Variants in HIBADH observed in about 807,000 individuals in gnomAD.
HIBADH encodes the protein 3-hydroxyisobutyrate dehydrogenase, also known as 3-hydroxyisobutyrate dehydrogenase, mitochondrial.
HIBADH carries 25 observed loss-of-function variants against 36.1 expected under a neutral mutation model. The observed-to-expected ratio is 0.69, with a 90% CI of 0.50 to 0.97. The LOEUF (loss-of-function observed/expected upper bound fraction) is 0.97. Among genes scored for constraint, HIBADH ranks in the 50% least tolerant of loss-of-function variants. The pLI is 0.00. For missense variants in HIBADH, 421 were observed against 418.0 expected (o/e 1.01, Z -0.06); for synonymous variants, 160 against 149.5 (o/e 1.07, Z -0.51).
At chr7:27,538,691 G>A (rs1784103391) in intron 5 of HIBADH, among the ~76,000 whole-genome samples, 1 of 152,094 alleles carries the variant, frequency 6.6e-6, no homozygotes, top group African/African-American at 2.4e-5. Flanking sequence ...CAGCACTATA[G>A]GGCACAACTG....
chr7:27,654,780 C>T (rs1427879325), intron 1 of HIBADH, among the ~76,000 whole-genome samples: 1 of 151,924 alleles, frequency 6.6e-6, no homozygotes, highest in Non-Finnish European at 1.5e-5. Context: ...CCTCAACTTC[C>T]CAAGCTCAGA....
chr7:27,600,435 A>T (rs1205784846), intron 4 of HIBADH, among the ~76,000 whole-genome samples: 2 of 152,204 alleles, frequency 1.3e-5, no homozygotes, highest in African/African-American at 4.8e-5. Context: ...ACAGGAAAAG[A>T]GTAAAATCAC....
chr7:27,649,528 A>G lies in HIBADH; in HGVS notation c.197T>C (p.Ile66Thr), dbSNP rs200152065. 14 of 1,613,970 alleles carry G rather than the reference A, an allele frequency of 8.7e-6. No homozygotes were observed. The highest frequency in any genetic ancestry group is 1.7e-4 in the Middle Eastern group (1 of 6,058). ...GGCATCAGGGAACACATCATAAATA[A>G]TAAGTGGATAGCCATGTTTCATGAG... ...KNLMKHGYPL[I>T]IYDVFPDACK... is the part of the protein sequence containing the mutation. The change falls in exon 2 of 8, where the codon ATT (isoleucine) becomes ACT (threonine). Residue 66 changes from isoleucine to threonine, a missense_variant. Physicochemically the swap from Ile to Thr is moderately conservative, Grantham distance 89. Coordinates refer to ENST00000265395, the MANE Select transcript of HIBADH (RefSeq NM_152740.4).
intron 4 of HIBADH, among the ~76,000 whole-genome samples, chr7:27,561,923 G>A (rs61345731): frequency 6.6e-6 from 1 of 151,988 alleles, no homozygotes. Context: ...TTAGATATTA[G>A]TAAATCCATA....
At chr7:27,529,163 G>A (rs1783956318) in intron 7 of HIBADH, among the ~76,000 whole-genome samples, 1 of 152,176 alleles carries the variant, frequency 6.6e-6, no homozygotes, top group Admixed American at 6.5e-5. Context: ...AGTACACGTG[G>A]TCACCCAAGA....
chr7:27,593,829 A>C (rs1273666058), intron 4 of HIBADH, among the ~76,000 whole-genome samples: 4 of 152,022 alleles, frequency 2.6e-5, no homozygotes, highest in Non-Finnish European at 5.9e-5. Flanking sequence ...GTAGAGTTCA[A>C]ATTAATATAT....
intron 4 of HIBADH, among the ~76,000 whole-genome samples, chr7:27,628,700 G>A (rs1404032428): frequency 6.6e-6 from 1 of 152,158 alleles, no homozygotes; most frequent in East Asian, 1.9e-4. Flanking sequence ...GCATACATGG[G>A]CTAAAGGAAA....
chr7:27,529,669 T>G (rs1783962958), intron 7 of HIBADH, among the ~76,000 whole-genome samples: 1 of 152,158 alleles, frequency 6.6e-6, no homozygotes, highest in South Asian at 2.1e-4. Flanking sequence ...CCTGGTGAAA[T>G]GACAGAAAGG....
At chr7:27,642,809 G>A (rs912709640) in intron 2 of HIBADH, among the ~76,000 whole-genome samples, 5 of 151,802 alleles carry the variant, frequency 3.3e-5, no homozygotes, top group South Asian at 2.1e-4. Context: ...CCGCCATTAC[G>A]CCCGGCTAAT....
chr7:27,594,670 A>G (rs1351789425), intron 4 of HIBADH, among the ~76,000 whole-genome samples: 2 of 152,206 alleles, frequency 1.3e-5, no homozygotes, highest in African/African-American at 4.8e-5. Flanking sequence ...AGTCTAAAAA[A>G]TTCTGAGCGA....
intron 4 of HIBADH, among the ~76,000 whole-genome samples, chr7:27,578,464 ACCAC>A (rs1784746377): frequency 6.6e-6 from 1 of 152,044 alleles, no homozygotes; most frequent in African/African-American, 2.4e-5. Context: ...ACAGGCGCCC[ACCAC>A]CACACCTGGC....
intron 4 of HIBADH, among the ~76,000 whole-genome samples, chr7:27,595,513 G>A (rs554455967): frequency 1.4e-5 from 2 of 145,554 alleles, no homozygotes; most frequent in Non-Finnish European, 3.0e-5. Context: ...CTCCAGCCTA[G>A]GCGAAAGAGA....
At chr7:27,640,299 G>A (rs1785937648) in intron 2 of HIBADH, among the ~76,000 whole-genome samples, 1 of 152,256 alleles carries the variant, frequency 6.6e-6, no homozygotes, top group Non-Finnish European at 1.5e-5. Flanking sequence ...GGGAGGCCAA[G>A]GTGGGCTGAT....
chr7:27,575,644 G>A (rs1383901712), intron 4 of HIBADH, among the ~76,000 whole-genome samples: 1 of 152,170 alleles, frequency 6.6e-6, no homozygotes, highest in Non-Finnish European at 1.5e-5. Context: ...AGAAGTAGAG[G>A]AAGTCCGAGC....
chr7:27,628,993 C>T (rs1785697457), intron 4 of HIBADH, among the ~76,000 whole-genome samples: 1 of 151,906 alleles, frequency 6.6e-6, no homozygotes, highest in Non-Finnish European at 1.5e-5. Flanking sequence ...CCAATGCTTC[C>T]CTTGTGAAAC....
intron 4 of HIBADH, among the ~76,000 whole-genome samples, chr7:27,623,110 AAATC>A (rs1161327443): frequency 6.6e-6 from 1 of 152,252 alleles, no homozygotes; most frequent in East Asian, 1.9e-4. Context: ...GGTTCTATGC[AAATC>A]AACAAATGTG....
intron 4 of HIBADH, among the ~76,000 whole-genome samples, chr7:27,578,830 C>T (rs546757141): frequency 1.3e-5 from 2 of 152,070 alleles, no homozygotes; most frequent in Non-Finnish European, 2.9e-5. Context: ...GCAGGCAGAA[C>T]AAGTCAAGAT....
chr7:27,631,757 C>T (rs749919097), intron 3 of HIBADH, among the ~76,000 whole-genome samples: 3 of 152,148 alleles, frequency 2.0e-5, no homozygotes, highest in African/African-American at 4.8e-5. Flanking sequence ...CATCCTACTG[C>T]TCAAGCAGTA....
At chr7:27,624,655 T>C (rs1785609394) in intron 4 of HIBADH, among the ~76,000 whole-genome samples, 1 of 152,234 alleles carries the variant, frequency 6.6e-6, no homozygotes, top group Non-Finnish European at 1.5e-5. Context: ...TCTTGAAATA[T>C]ATGAGAACTC....
Sources: allele counts gnomAD v4.1 joint callset (sites outside exome capture counted in the v4.1 genomes callset), GRCh38; gene constraint gnomAD v4.1.1; transcripts MANE v1.5; gene names NCBI Gene and HGNC (gene_info 2026-07-23, HGNC 2026-07-21).